Variants in ADAM22 observed in about 807,000 individuals in gnomAD.
The protein encoded by ADAM22 is disintegrin and metalloproteinase domain-containing protein 22.
ADAM22 carries 65 observed loss-of-function variants against 144.6 expected under a neutral mutation model. That is an observed-to-expected ratio of 0.45 (90% CI 0.37 to 0.55). The LOEUF (loss-of-function observed/expected upper bound fraction) is 0.55, where lower values mean the gene tolerates loss of function less well. Ranked by LOEUF, ADAM22 falls within the 20% of genes least tolerant of loss-of-function variation. The pLI is 0.00. For synonymous variants in ADAM22, 391 were observed against 412.6 expected, an observed-to-expected ratio of 0.95 and a Z score of 0.63; for missense variants, 974 against 1,184.9, an observed-to-expected ratio of 0.82 and a Z score of 2.61.
In ADAM22 at chr7:88,199,149, A is replaced by C; in HGVS notation, c.*2658A>C. ...GGTAGGTAGCATTAAATATACAAGC[A>C]CAGCATTATTTCTCTTTAAATATCT... is the stretch of plus-strand genomic sequence containing the variant. On this transcript the variant is annotated 3_prime_UTR_variant, in exon 32 of 32. Transcript: ENST00000413139. 6.6e-6 allele frequency: 1 copy of C among 152,186 alleles called. No individual in the cohort carries two copies. Among genetic ancestry groups the C allele is most frequent in the South Asian group, 2.1e-4 (1 of 4,834 alleles). 9.4% of individuals were successfully genotyped at this position (152,186 alleles called of 1,614,324 possible).
intron 5 of ADAM22, among the ~76,000 whole-genome samples, chr7:88,113,107 C>G (rs867806098): frequency 4.7e-5 from 7 of 150,318 alleles, no homozygotes; most frequent in Non-Finnish European, 7.4e-5. Flanking sequence ...CTGCATCCCC[C>G]CTGCCTGCCC....
intron 2 of ADAM22, among the ~76,000 whole-genome samples, chr7:87,961,597 C>T (rs1356155649): frequency 1.3e-5 from 2 of 152,138 alleles, no homozygotes; most frequent in South Asian, 2.1e-4. Context: ...ATGAATTACT[C>T]CTTTTGCAGG....
intron 7 of ADAM22, among the ~76,000 whole-genome samples, chr7:88,119,109 A>C (rs900318423): frequency 6.6e-6 from 1 of 152,192 alleles, no homozygotes; most frequent in African/African-American, 2.4e-5. Flanking sequence ...TTTACATGGC[A>C]TGTACCTGTC....
At chr7:88,183,548 T>A (rs532657271) in intron 29 of ADAM22, among the ~76,000 whole-genome samples, 1 of 152,284 alleles carries the variant, frequency 6.6e-6, no homozygotes, top group Admixed American at 6.5e-5. Context: ...AAATGTTGTG[T>A]ATAATTTCCA....
chr7:88,196,306 T>C (rs1850657416), intron 31 of ADAM22, among the ~76,000 whole-genome samples, 165 bp from the exon 32 acceptor site: 1 of 152,204 alleles, frequency 6.6e-6, no homozygotes, highest in Admixed American at 6.5e-5. Flanking sequence ...AACAGAGAGC[T>C]AAAAGTTGGA....
chr7:88,118,542 A>G lies in ADAM22; in HGVS notation c.607+1728A>G, dbSNP rs140940463. Among the ~76,000 whole-genome samples the G allele has an allele frequency of 3.4e-4, 51 of 152,150 alleles. 1 individual carries two copies. The East Asian group carries it at 8.9e-3, about 26-fold the overall frequency. Reference sequence around the variant, plus strand: ...GGAATAAAGCTATAATTTAATGGGTATTACTGGGAGCAGTCAACATTAATT... The same window carrying G: ...GGAATAAAGCTATAATTTAATGGGTGTTACTGGGAGCAGTCAACATTAATT... On this transcript the variant is annotated intron_variant, in intron 7 of 31. Coordinates refer to ENST00000413139, the MANE Select transcript of ADAM22 (RefSeq NM_001324418.2).
intron 3 of ADAM22, among the ~76,000 whole-genome samples, chr7:88,040,253 T>C (rs1167947841): frequency 6.6e-6 from 1 of 151,934 alleles, no homozygotes; most frequent in Admixed American, 6.6e-5. Flanking sequence ...TGCCTCAGCC[T>C]CCTGAGTAGC....
In ADAM22 at chr7:88,007,695, T is replaced by C. The variant is rs566632262; in HGVS notation, c.323+29283T>C. ...TGGTGCTGGGAAAACTGGCTAGCCA[T>C]ATGTAGAAAGCTGAAACTGGATCCC... On this transcript the variant is annotated intron_variant, in intron 3 of 31. Transcript: ENST00000413139. Among the ~76,000 whole-genome samples, 932 of 152,260 alleles carry C rather than the reference T, an allele frequency of 6.1e-3. 13 individuals carry two copies. Among genetic ancestry groups the C allele is most frequent in the East Asian group, 0.046 (240 of 5,188 alleles).
chr7:88,026,171 T>G (rs1294910480), intron 3 of ADAM22, among the ~76,000 whole-genome samples: 1 of 152,196 alleles, frequency 6.6e-6, no homozygotes, highest in African/African-American at 2.4e-5. Flanking sequence ...ACAGACTGGA[T>G]AATTTATAAA....
intron 3 of ADAM22, among the ~76,000 whole-genome samples, chr7:88,002,552 G>A (rs1258284762): frequency 6.6e-6 from 1 of 152,158 alleles, no homozygotes; most frequent in Non-Finnish European, 1.5e-5. Flanking sequence ...TTCTTTCTCT[G>A]TGACAAAAAT....
At chr7:88,163,255 T>C in intron 23 of ADAM22, 75 bp downstream of exon 23, 1 of 1,255,910 alleles carries the variant, frequency 8.0e-7, no homozygotes. Context: ...ACTATTTATT[T>C]TTCTTAATTA....
At chr7:88,078,167 A>G (rs1815241432) in intron 4 of ADAM22, among the ~76,000 whole-genome samples, 1 of 152,174 alleles carries the variant, frequency 6.6e-6, no homozygotes. Flanking sequence ...CAGAGGAACG[A>G]TCAGGCAGCA....
chr7:87,982,502 G>C (rs889322119), intron 3 of ADAM22, among the ~76,000 whole-genome samples: 1 of 151,210 alleles, frequency 6.6e-6, no homozygotes, highest in Non-Finnish European at 1.5e-5. Context: ...TATTAAATGC[G>C]GTTGGAAAAG....
chr7:88,030,890 G>A (rs745718590), intron 3 of ADAM22, among the ~76,000 whole-genome samples: 115 of 152,288 alleles, frequency 7.6e-4, no homozygotes, highest in Non-Finnish European at 1.4e-3. Flanking sequence ...GCCAAGGTGG[G>A]CGGATCACAA....
chr7:88,109,154 C>CT (rs71120019), intron 5 of ADAM22, among the ~76,000 whole-genome samples: 1 of 152,112 alleles, frequency 6.6e-6, no homozygotes, highest in Non-Finnish European at 1.5e-5. Context: ...GTCTTTGCCC[C>CT]TTTTTTTCAG....
intron 14 of ADAM22, among the ~76,000 whole-genome samples, chr7:88,142,693 C>A (rs1156372284): frequency 6.6e-6 from 1 of 152,004 alleles, no homozygotes; most frequent in African/African-American, 2.4e-5. Context: ...AAAAAATTAG[C>A]TGGGCATGGT....
intron 2 of ADAM22, among the ~76,000 whole-genome samples, chr7:87,970,887 T>A (rs1850267530): frequency 2.0e-5 from 3 of 152,220 alleles, no homozygotes; most frequent in African/African-American, 7.2e-5. Flanking sequence ...TACTGATTTA[T>A]TAAGAGTTCC....
chr7:88,136,370 A>G (rs1458795544), intron 14 of ADAM22, among the ~76,000 whole-genome samples: 5 of 152,128 alleles, frequency 3.3e-5, no homozygotes, highest in Non-Finnish European at 7.4e-5. Context: ...AACTCTTGAA[A>G]ACAAAAATTA....
At chr7:87,956,705 G>T (rs1846858008) in intron 2 of ADAM22, among the ~76,000 whole-genome samples, 1 of 152,130 alleles carries the variant, frequency 6.6e-6, no homozygotes, top group Admixed American at 6.5e-5. Context: ...ACACTATCCA[G>T]TCTTTTGTGA....
Sources: allele counts gnomAD v4.1 joint callset (sites outside exome capture counted in the v4.1 genomes callset), GRCh38; gene constraint gnomAD v4.1.1; transcripts MANE v1.5; gene names NCBI Gene and HGNC (gene_info 2026-07-23, HGNC 2026-07-21).